The following EPS15L1 variants were observed in gnomAD, a reference collection of about 807,000 sequenced individuals.
EPS15L1 encodes epidermal growth factor receptor pathway substrate 15 like 1, also known as epidermal growth factor receptor substrate 15-like 1.
In EPS15L1, 43 loss-of-function variants were observed where a neutral mutation model predicts 117.1. The observed-to-expected ratio is 0.37, with a 90% CI of 0.29 to 0.47. The LOEUF is 0.47. EPS15L1 is among the 20% of genes least tolerant of loss of function. The probability of loss-of-function intolerance (pLI) is 0.99; values close to 1 mark genes in which losing one functional copy is unlikely to be tolerated. For missense variants in EPS15L1, 981 were observed against 1,164.0 expected (o/e 0.84, Z 2.29); for synonymous variants, 459 against 470.5 (o/e 0.98, Z 0.32).
At chr19:16,444,063 C>CAAAA (rs545605173) in intron 1 of EPS15L1, among the ~76,000 whole-genome samples, 8 of 37,606 alleles carry the variant, frequency 2.1e-4, no homozygotes, top group African/African-American at 3.2e-4. Flanking sequence ...GACTCCGTCT[C>CAAAA]AAAAAAAAAA....
chr19:16,448,550 G>A (rs368232459), intron 1 of EPS15L1, among the ~76,000 whole-genome samples: 9 of 143,092 alleles, frequency 6.3e-5, no homozygotes, highest in African/African-American at 1.1e-4. Context: ...AAAAAAAAGG[G>A]GGGGGGAGAA....
Position 16,436,993 on chromosome 19 carries a change from TGTC to T in EPS15L1, c.313_315del (p.Asp105del). 6.2e-7 allele frequency: 1 copy of T among 1,613,990 alleles called. No individual in the cohort carries two copies. The highest frequency in any genetic ancestry group is 1.3e-5 in the African/African-American group (1 of 75,034). ...GGTGTGACCATCAGAGGGCTGCTGG[TGTC>T]GTGCTGAGAAGAGAGAGAAACATTC... On this transcript the variant is annotated inframe_deletion, in exon 6 of 24. Coordinates refer to ENST00000455140, the MANE Select transcript of EPS15L1 (RefSeq NM_001258374.3).
chr19:16,356,714 A>C (rs2091985083), intron 23 of EPS15L1: 1 of 152,192 alleles, frequency 6.6e-6, no homozygotes, highest in Non-Finnish European at 1.5e-5. Flanking sequence ...GTTCAGTTAA[A>C]ATAAAAACTT....
intron 20 of EPS15L1, 49 bp from the exon 21 acceptor site, chr19:16,385,260 T>C (rs781409993): frequency 2.0e-6 from 3 of 1,507,500 alleles, no homozygotes; most frequent in East Asian, 2.3e-5. Flanking sequence ...TAAGAGAACA[T>C]GCCTTCTGGG....
intron 9 of EPS15L1, among the ~76,000 whole-genome samples, chr19:16,422,222 G>A (rs948650602): frequency 6.6e-6 from 1 of 152,208 alleles, no homozygotes; most frequent in South Asian, 2.1e-4. Flanking sequence ...ACTTGAGAGA[G>A]GCAAACGCCA....
chr19:16,441,892 C>T lies in EPS15L1; in HGVS notation c.165G>A (p.Lys55=). The change falls in exon 3 of 24, where the codon AAG becomes AAA. Residue 55 remains lysine (K), a splice_region_variant and synonymous_variant. Coordinates refer to ENST00000455140, the MANE Select transcript of EPS15L1 (RefSeq NM_001258374.3). Reference sequence around the variant, plus strand: ...GAAATCACTATTCATCTTCACATACCTTCCCAAGGATAATGTCCGAGAGGC... The same window carrying T: ...GAAATCACTATTCATCTTCACATACTTTCCCAAGGATAATGTCCGAGAGGC... ...KSGLSDIILG[K]IWDLADPEGK... is the part of the protein sequence containing the mutation. The T allele has an allele frequency of 6.2e-7, 1 of 1,611,534 alleles. No homozygotes were observed. The highest frequency in any genetic ancestry group is 8.5e-7 in the Non-Finnish European group (1 of 1,178,348).
chr19:16,461,408 G>A (rs1029265594), intron 1 of EPS15L1, among the ~76,000 whole-genome samples: 3 of 151,932 alleles, frequency 2.0e-5, no homozygotes, highest in African/African-American at 7.3e-5. Context: ...ATCGCTTTGA[G>A]CTCAGGAGTT....
intron 13 of EPS15L1, among the ~76,000 whole-genome samples, chr19:16,409,881 T>G (rs981359755): frequency 1.5e-4 from 20 of 137,590 alleles, no homozygotes; most frequent in Non-Finnish European, 2.3e-4. Flanking sequence ...GAGGTTGCAG[T>G]GAGCTGAGAT....
Position 16,361,663 on chromosome 19 carries a change from G to A in EPS15L1, c.2586+116C>T. On this transcript the variant is annotated intron_variant, in intron 23 of 23. Transcript: ENST00000455140. Reference sequence around the variant, plus strand: ...AAATAACGCGAGGGACAGAGAGTGTGAGGTACCAAGAGGCTAAAGAAGCTG... The same window carrying A: ...AAATAACGCGAGGGACAGAGAGTGTAAGGTACCAAGAGGCTAAAGAAGCTG... The A allele has an allele frequency of 2.8e-6, 4 of 1,449,246 alleles. No individual in the cohort carries two copies. The South Asian group carries it at 6.0e-5, about 22-fold the overall frequency. The allele number at this position is 1,449,246 out of a possible 1,614,324, so 89.8% of individuals were successfully genotyped here. A position where few individuals can be genotyped will look rare whatever the true frequency, so the allele number is the denominator to read the frequency against.
chr19:16,460,034 G>A (rs1420626298), intron 1 of EPS15L1, among the ~76,000 whole-genome samples: 2 of 152,202 alleles, frequency 1.3e-5, no homozygotes, highest in African/African-American at 2.4e-5. Flanking sequence ...CCAACACTTT[G>A]GAGATTAAGG....
chr19:16,366,749 G>A (rs964597158), intron 22 of EPS15L1, among the ~76,000 whole-genome samples: 27 of 152,108 alleles, frequency 1.8e-4, no homozygotes, highest in Admixed American at 9.8e-4. Context: ...TCCAGCTCTC[G>A]ACCTTGCTAA....
rs1409157710 is a variant in EPS15L1, at chr19:16,361,873, A to G, written c.2492T>C (p.Phe831Ser). The G allele has an allele frequency of 1.9e-6, 3 of 1,614,180 alleles. No homozygotes were observed. The highest frequency in any genetic ancestry group is 2.2e-5 in the South Asian group (2 of 91,072). Residue 831 changes from phenylalanine to serine, a missense_variant, in exon 23 of 24, where the codon TTT becomes TCT. Phe to Ser is a radical substitution (Grantham distance 155). Coordinates refer to ENST00000455140, the MANE Select transcript of EPS15L1 (RefSeq NM_001258374.3). Reference protein sequence around the residue: ...SGDPFQSKKGFGDPFSGKDPF... With the variant: ...SGDPFQSKKGSGDPFSGKDPF... ...GTCTTTTCCACTAAACGGGTCCCCA[A>G]ACCCCTTTTTACTTTGGAACGGGTC...
chr19:16,461,305 TAAA>T (rs749124401), intron 1 of EPS15L1, among the ~76,000 whole-genome samples: 7 of 99,966 alleles, frequency 7.0e-5, no homozygotes, highest in Admixed American at 2.2e-4. Flanking sequence ...CTCCGTCTCT[TAAA>T]AAAAAAAAAA....
intron 13 of EPS15L1, chr19:16,413,048 C>T (rs773839762): frequency 2.7e-5 from 20 of 730,628 alleles, no homozygotes; most frequent in Admixed American, 1.2e-4. Context: ...AGACCCGCGC[C>T]GGCCAGTGCA....
At chr19:16,426,021 T>C (rs73511134) in intron 8 of EPS15L1, among the ~76,000 whole-genome samples, 24,962 of 152,166 alleles carry the variant, frequency 0.16, 2,131 homozygotes, top group Admixed American at 0.19. Flanking sequence ...GGAACTCTCA[T>C]GGAAGAGTCT....
intron 4 of EPS15L1, among the ~76,000 whole-genome samples, chr19:16,438,421 G>T (rs1004204994): frequency 2.6e-5 from 4 of 152,128 alleles, no homozygotes; most frequent in African/African-American, 9.7e-5. Context: ...TAAAATTTCA[G>T]ATGCATATAT....
chr19:16,391,875 C>T (rs986116032), intron 19 of EPS15L1, among the ~76,000 whole-genome samples: 3 of 152,016 alleles, frequency 2.0e-5, no homozygotes, highest in African/African-American at 4.8e-5. Context: ...AGGTCCCCAC[C>T]AGTGCTGTGT....
chr19:16,444,197 A>AG (rs1364492268), intron 1 of EPS15L1, among the ~76,000 whole-genome samples: 2 of 151,860 alleles, frequency 1.3e-5, no homozygotes, highest in African/African-American at 4.8e-5. Context: ...AGGAAAAGAA[A>AG]GGGGGAAACA....
At position 16,418,156 on chromosome 19, in the gene EPS15L1, T is replaced by G. The variant is rs747902196; in HGVS notation, c.951-52A>C. The G allele has an allele frequency of 1.9e-6, 3 of 1,555,354 alleles. No homozygotes were observed. The South Asian group carries it at 3.6e-5, about 19-fold the overall frequency. ...ACACATCACAGGCGCCGACTCAGCCTGAACCCAAGTCACCGATCCCTTGCT... is the reference window on the plus strand; with the variant it reads ...ACACATCACAGGCGCCGACTCAGCCGGAACCCAAGTCACCGATCCCTTGCT... On this transcript the variant is annotated intron_variant, in intron 10 of 23. Coordinates refer to ENST00000455140, the MANE Select transcript of EPS15L1 (RefSeq NM_001258374.3).
Sources: gnomAD v4.1 joint callset for allele counts (sites outside exome capture counted in the v4.1 genomes callset) on GRCh38, gnomAD v4.1.1 for gene constraint, MANE v1.5 for transcripts, NCBI Gene and HGNC (gene_info 2026-07-23, HGNC 2026-07-21) for gene names.